The following DLC1 variants were observed in gnomAD, a reference collection of about 807,000 sequenced individuals.
DLC1 encodes the protein rho GTPase-activating protein 7.
A neutral mutation model predicts 140.3 loss-of-function variants in DLC1; 54 were observed. That is an observed-to-expected ratio of 0.38 (90% confidence interval 0.31 to 0.48). The LOEUF (loss-of-function observed/expected upper bound fraction) is 0.48. Ranked by LOEUF, DLC1 falls within the 20% of genes least tolerant of loss-of-function variation. The probability of loss-of-function intolerance (pLI) is 0.96; values close to 1 mark genes in which losing one functional copy is unlikely to be tolerated. For synonymous variants in DLC1, 986 were observed against 728.1 expected (o/e 1.35, Z -5.70); for missense variants, 2,536 against 1,907.0 (o/e 1.33, Z -6.14).
At chr8:13,172,142 T>C (rs1825520167) in intron 5 of DLC1, among the ~76,000 whole-genome samples, 1 of 152,222 alleles carries the variant, frequency 6.6e-6, no homozygotes, top group African/African-American at 2.4e-5. Context: ...GGGTAGCTAT[T>C]TTTATAATTA....
At chr8:13,441,887 G>T (rs549576852) in intron 2 of DLC1, among the ~76,000 whole-genome samples, 6 of 152,270 alleles carry the variant, frequency 3.9e-5, no homozygotes, top group African/African-American at 1.4e-4. Flanking sequence ...AAAAGGGCCT[G>T]CATTGCCAAG....
chr8:13,241,838 G>T (rs183975762), intron 5 of DLC1, among the ~76,000 whole-genome samples: 4 of 152,048 alleles, frequency 2.6e-5, no homozygotes, highest in Non-Finnish European at 5.9e-5. Context: ...TCCAGACCCC[G>T]GGGTCCTTTC....
intron 5 of DLC1, among the ~76,000 whole-genome samples, chr8:13,291,002 G>A (rs1215404069): frequency 6.6e-6 from 1 of 152,136 alleles, no homozygotes; most frequent in Non-Finnish European, 1.5e-5. Flanking sequence ...TCTGCCTCCC[G>A]GGTTCAAGGA....
At chr8:13,551,499 C>A (rs1242285268) in intron 1 of DLC1, among the ~76,000 whole-genome samples, 3 of 152,010 alleles carry the variant, frequency 2.0e-5, no homozygotes. Context: ...ACCTCTTTCA[C>A]AATAGCATTT....
At chr8:13,361,654 A>G (rs963456985) in intron 4 of DLC1, among the ~76,000 whole-genome samples, 77 of 152,152 alleles carry the variant, frequency 5.1e-4, no homozygotes, top group South Asian at 6.2e-4. Context: ...CCCTTTACAT[A>G]TTATTATTTC....
chr8:13,534,996 C>T (rs577263775), intron 1 of DLC1, among the ~76,000 whole-genome samples: 2 of 152,018 alleles, frequency 1.3e-5, no homozygotes, highest in African/African-American at 2.4e-5. Context: ...CCTTATCTCT[C>T]GCTAATCACT....
rs1554494779 is a variant in DLC1, at chr8:13,312,380, A to AT, written c.1315-7079_1315-7078insA. ...CGTCTCAAAAAAAAAAAAAAAAAAAAAAAAAAAATAATTTCTTTAGCAAGC... is the reference window on the plus strand; with the variant it reads ...CGTCTCAAAAAAAAAAAAAAAAAAAATAAAAAAAATAATTTCTTTAGCAAGC... On this transcript the variant is annotated intron_variant, in intron 4 of 17. Transcript: ENST00000276297. 1.4e-4 allele frequency among the ~76,000 whole-genome samples: 14 copies of AT among 99,422 alleles called. 1 individual carries two copies. The highest frequency in any genetic ancestry group is 5.7e-4 in the African/African-American group (13 of 22,914). 65.2% of individuals were successfully genotyped at this position (99,422 alleles called of 152,430 possible). A position where few individuals can be genotyped will look rare whatever the true frequency, so the allele number is the denominator to read the frequency against.
chr8:13,557,913 C>A (rs888962896), intron 1 of DLC1: 1 of 152,092 alleles, frequency 6.6e-6, no homozygotes, highest in Non-Finnish European at 1.5e-5. Flanking sequence ...ACACACAAAC[C>A]AGATGATCTT....
intron 1 of DLC1, among the ~76,000 whole-genome samples, chr8:13,522,051 G>A (rs1585239257): frequency 6.6e-6 from 1 of 152,092 alleles, no homozygotes; most frequent in Non-Finnish European, 1.5e-5. Context: ...ACAGAAATTG[G>A]AAGAGATATT....
At chr8:13,490,055 C>G (rs1801165986) in intron 2 of DLC1, among the ~76,000 whole-genome samples, 1 of 152,064 alleles carries the variant, frequency 6.6e-6, no homozygotes, top group Admixed American at 6.6e-5. Flanking sequence ...AAATACACCC[C>G]CCACTTTAGG....
intron 5 of DLC1, among the ~76,000 whole-genome samples, chr8:13,156,353 T>G (rs2128981377): frequency 6.6e-6 from 1 of 152,328 alleles, no homozygotes; most frequent in South Asian, 2.1e-4. Context: ...TCTGAATTTC[T>G]TCCTGCTGTG....
chr8:13,356,518 G>A (rs889172959), intron 4 of DLC1, among the ~76,000 whole-genome samples: 1 of 152,136 alleles, frequency 6.6e-6, no homozygotes, highest in Non-Finnish European at 1.5e-5. Flanking sequence ...AGACATTTCT[G>A]CTTCCACACC....
chr8:13,530,077 G>A (rs974809257), intron 1 of DLC1, among the ~76,000 whole-genome samples: 2 of 152,072 alleles, frequency 1.3e-5, no homozygotes, highest in African/African-American at 4.8e-5. Flanking sequence ...TGTGCAAGAG[G>A]GTCTGTAATG....
chr8:13,412,676 G>A (rs1837830327), intron 2 of DLC1, among the ~76,000 whole-genome samples: 1 of 152,072 alleles, frequency 6.6e-6, no homozygotes, highest in African/African-American at 2.4e-5. Flanking sequence ...GCTCACACCT[G>A]TAATCCCAGC....
intron 2 of DLC1, among the ~76,000 whole-genome samples, chr8:13,454,776 A>C (rs1799313115): frequency 6.6e-6 from 1 of 151,994 alleles, no homozygotes; most frequent in Admixed American, 6.6e-5. Flanking sequence ...CTGGTCTCAA[A>C]CTCCTGTCCT....
At chr8:13,158,748 G>GC (rs201380600) in intron 5 of DLC1, among the ~76,000 whole-genome samples, 7 of 13,744 alleles carry the variant, frequency 5.1e-4, no homozygotes, top group African/African-American at 1.5e-3. Flanking sequence ...CCCCCCCCCC[G>GC]CCCGCCACAC....
intron 2 of DLC1, among the ~76,000 whole-genome samples, chr8:13,413,118 A>C (rs899846286): frequency 6.6e-6 from 1 of 151,996 alleles, no homozygotes; most frequent in African/African-American, 2.4e-5. Context: ...AAAGTGTTCT[A>C]TAGAGAGTTT....
chr8:13,473,484 T>C (rs1176047142), intron 2 of DLC1, among the ~76,000 whole-genome samples: 1 of 152,084 alleles, frequency 6.6e-6, no homozygotes, highest in Non-Finnish European at 1.5e-5. Context: ...TTGGTACCAG[T>C]AGAGCGGGGT....
In DLC1 at chr8:13,478,061, C is replaced by G. The variant is rs537573555; in HGVS notation, c.1023+20988G>C. On this transcript the variant is annotated intron_variant, in intron 2 of 17. Coordinates refer to ENST00000276297, the MANE Select transcript of DLC1 (RefSeq NM_182643.3). ...CACCGTCCATGTATTAGGTTGTTCT[C>G]GCATTGCTATAAAGAAATACCCGAG... 9.2e-5 allele frequency among the ~76,000 whole-genome samples: 14 copies of G among 152,192 alleles called. No individual in the cohort carries two copies. The South Asian group carries it at 2.3e-3, about 25-fold the overall frequency.
Sources: allele counts gnomAD v4.1 joint callset (sites outside exome capture counted in the v4.1 genomes callset), GRCh38; gene constraint gnomAD v4.1.1; transcripts MANE v1.5; gene names NCBI Gene and HGNC (gene_info 2026-07-23, HGNC 2026-07-21).